WDR70: variants seen among roughly 807,000 people sequenced by gnomAD.
The protein encoded by WDR70 is WD repeat-containing protein 70.
A neutral mutation model predicts 88.6 loss-of-function variants in WDR70; 53 were observed. That is an observed-to-expected ratio of 0.60 (90% CI 0.48 to 0.75). The LOEUF (loss-of-function observed/expected upper bound fraction) is 0.75. Ranked by LOEUF, WDR70 falls within the 30% of genes least tolerant of loss-of-function variation. The pLI, the probability that WDR70 is intolerant of heterozygous loss-of-function variation, is 0.00. For missense variants in WDR70, 610 were observed against 823.2 expected, an observed-to-expected ratio of 0.74 and a Z score of 3.17; for synonymous variants, 280 against 270.0, an observed-to-expected ratio of 1.04 and a Z score of -0.36.
intron 8 of WDR70, among the ~76,000 whole-genome samples, chr5:37,485,106 GTTGATGCAGAA>G (rs1289509971): frequency 6.6e-6 from 1 of 152,178 alleles, no homozygotes; most frequent in African/African-American, 2.4e-5. Context: ...ACTGGATATG[GTTGATGCAGAA>G]TTTTGAACCT....
At chr5:37,600,505 C>A (rs1469395899) in intron 9 of WDR70, among the ~76,000 whole-genome samples, 2 of 123,648 alleles carry the variant, frequency 1.6e-5, no homozygotes, top group African/African-American at 6.1e-5. Flanking sequence ...CCAGCCTGGG[C>A]GACAGAGCAA....
At chr5:37,498,172 T>TTCATGGCAAATGAATA (rs1254367080) in intron 8 of WDR70, among the ~76,000 whole-genome samples, 27 of 152,316 alleles carry the variant, frequency 1.8e-4, no homozygotes, top group African/African-American at 6.3e-4. Context: ...GGCACTCTAT[T>TTCATGGCAAATGAATA]CATTTGCTTA....
At chr5:37,392,350 A>G (rs1748859171) in intron 4 of WDR70, among the ~76,000 whole-genome samples, 1 of 151,476 alleles carries the variant, frequency 6.6e-6, no homozygotes, top group African/African-American at 2.4e-5. Flanking sequence ...CCCCTGGCTA[A>G]TTTTTGTATT....
chr5:37,422,856 A>C (rs1004701973), intron 5 of WDR70, among the ~76,000 whole-genome samples: 1 of 151,598 alleles, frequency 6.6e-6, no homozygotes, highest in Non-Finnish European at 1.5e-5. Flanking sequence ...CGAACTCCTG[A>C]GCTCAAATCG....
At chr5:37,672,754 C>T (rs1746067561) in intron 10 of WDR70, among the ~76,000 whole-genome samples, 1 of 152,062 alleles carries the variant, frequency 6.6e-6, no homozygotes, top group South Asian at 2.1e-4. Flanking sequence ...TGCAGGTCCT[C>T]CATATGCTGA....
chr5:37,561,001 A>C (rs2112375263), intron 9 of WDR70, among the ~76,000 whole-genome samples: 1 of 151,948 alleles, frequency 6.6e-6, no homozygotes, highest in East Asian at 1.9e-4. Flanking sequence ...ATACAAGTCA[A>C]AGCTTGGCTG....
chr5:37,624,639 A>C (rs1744616049), intron 10 of WDR70, among the ~76,000 whole-genome samples: 1 of 152,226 alleles, frequency 6.6e-6, no homozygotes, highest in Non-Finnish European at 1.5e-5. Context: ...GAGAAAAGGC[A>C]TACAGATTTA....
At chr5:37,386,836 G>A (rs1334049731) in intron 3 of WDR70, among the ~76,000 whole-genome samples, 2 of 152,048 alleles carry the variant, frequency 1.3e-5, no homozygotes, top group Non-Finnish European at 2.9e-5. Context: ...GGTGGCTCAC[G>A]CCTGTAATCC....
intron 9 of WDR70, among the ~76,000 whole-genome samples, chr5:37,540,527 G>A (rs671077): frequency 0.098 from 14,958 of 151,980 alleles, 2,370 homozygotes; most frequent in African/African-American, 0.33. Context: ...GATTACAGGC[G>A]CACACTACCA....
chr5:37,653,888 C>T (rs1260585600), intron 10 of WDR70, among the ~76,000 whole-genome samples: 8 of 151,914 alleles, frequency 5.3e-5, no homozygotes, highest in East Asian at 1.9e-4. Flanking sequence ...TTTAAAAAAC[C>T]GGCTCCTGGA....
rs146634232 is a variant in WDR70, at chr5:37,433,845, T to C, written c.493-4077T>C. Reference sequence around the variant, plus strand: ...TTTCATTTGCCCATTTGTTTACCTGTCTTATTTTGCTTTTCTGGACTGACA... The same window carrying C: ...TTTCATTTGCCCATTTGTTTACCTGCCTTATTTTGCTTTTCTGGACTGACA... On this transcript the variant is annotated intron_variant, in intron 5 of 17. Coordinates refer to ENST00000265107, the MANE Select transcript of WDR70 (RefSeq NM_018034.4). 9.8e-4 allele frequency among the ~76,000 whole-genome samples: 150 copies of C among 152,358 alleles called. 2 individuals are homozygous for C. In the East Asian group the frequency reaches 0.027, roughly 27 times the overall value.
At chr5:37,391,216 C>T (rs1236367250) in intron 3 of WDR70, among the ~76,000 whole-genome samples, 1 of 152,000 alleles carries the variant, frequency 6.6e-6, no homozygotes, top group East Asian at 1.9e-4. Flanking sequence ...GCAGTAATTT[C>T]GTTCAATTCT....
At chr5:37,479,767 C>T in intron 7 of WDR70, 67 bp from the exon 8 acceptor site, 1 of 1,495,042 alleles carries the variant, frequency 6.7e-7, no homozygotes, top group Non-Finnish European at 9.0e-7. Context: ...TCTGGCAATA[C>T]TTAATGTAGT....
At chr5:37,511,868 A>C (rs1234683550) in intron 8 of WDR70, among the ~76,000 whole-genome samples, 1 of 152,230 alleles carries the variant, frequency 6.6e-6, no homozygotes, top group Admixed American at 6.5e-5. Context: ...TTGCTAATGC[A>C]TACCACTGCA....
rs115670666 is a variant in WDR70, at chr5:37,686,795, A to G, written c.1093-10860A>G. ...TGTGTGATCCCAGACAGGGCCTTCA[A>G]AACTCTGGGATTTTGTGCTTGCGTT... On this transcript the variant is annotated intron_variant, in intron 10 of 17. Transcript: ENST00000265107. Among the ~76,000 whole-genome samples the G allele has an allele frequency of 8.0e-3, 1,213 of 151,802 alleles. 20 individuals carry two copies. The highest frequency in any genetic ancestry group is 0.028 in the African/African-American group (1,149 of 41,360).
rs116809918 is a variant in WDR70, at chr5:37,752,153, G to A, written c.1878-333G>A. 8.3e-3 allele frequency among the ~76,000 whole-genome samples: 1,262 copies of A among 152,162 alleles called. 21 individuals carry two copies. Among genetic ancestry groups the A allele is most frequent in the African/African-American group, 0.029 (1,196 of 41,498 alleles). On this transcript the variant is annotated intron_variant, in intron 17 of 17. Transcript: ENST00000265107. ...GTGACTGTAGTTCGTTCTTCCATAC[G>A]GTCCCAGTTACCCAGAGTTTCAGGT...
chr5:37,516,639 T>C (rs1194659470), intron 9 of WDR70, 49 bp downstream of exon 9: 19 of 1,311,278 alleles, frequency 1.4e-5, no homozygotes, highest in Non-Finnish European at 1.9e-5. Context: ...TTTAGGTATT[T>C]TATTTAACGT....
At chr5:37,641,161 G>A (rs1372918206) in intron 10 of WDR70, among the ~76,000 whole-genome samples, 1 of 152,180 alleles carries the variant, frequency 6.6e-6, no homozygotes, top group Non-Finnish European at 1.5e-5. Context: ...CCAGGCTGGA[G>A]TGCAGTGGCA....
intron 8 of WDR70, among the ~76,000 whole-genome samples, chr5:37,508,854 A>G (rs374065674): frequency 1.1e-4 from 17 of 152,190 alleles, no homozygotes; most frequent in African/African-American, 4.1e-4. Flanking sequence ...GTGAAAAAGT[A>G]ATGTTACGTC....
Sources: gnomAD v4.1 joint callset for allele counts (sites outside exome capture counted in the v4.1 genomes callset) on GRCh38, gnomAD v4.1.1 for gene constraint, MANE v1.5 for transcripts, NCBI Gene and HGNC (gene_info 2026-07-23, HGNC 2026-07-21) for gene names.